CTIF: variants seen among roughly 807,000 people sequenced by gnomAD.
CTIF encodes the protein CBP80/20-dependent translation initiation factor.
CTIF carries 21 observed loss-of-function variants against 66.0 expected under a neutral mutation model. That is an observed-to-expected ratio of 0.32 (90% CI 0.23 to 0.46). CTIF has a LOEUF of 0.46. CTIF is among the 20% of genes least tolerant of loss of function. The probability of loss-of-function intolerance (pLI) is 1.00; values close to 1 mark genes in which losing one functional copy is unlikely to be tolerated. For missense variants in CTIF, 739 were observed against 812.7 expected, an observed-to-expected ratio of 0.91 and a Z score of 1.10; for synonymous variants, 345 against 326.4, an observed-to-expected ratio of 1.06 and a Z score of -0.62.
intron 9 of CTIF, among the ~76,000 whole-genome samples, chr18:48,811,965 TACTATTTTGTTTTTTGAG>T (rs1054465618): frequency 5.3e-5 from 8 of 152,150 alleles, no homozygotes; most frequent in South Asian, 2.1e-4. Flanking sequence ...AGAATCACCA[TACTATTTTGTTTTTTGAG>T]ATGGAGTCTC....
At chr18:48,843,325 C>T (rs936322614) in intron 10 of CTIF, among the ~76,000 whole-genome samples, 9 of 152,124 alleles carry the variant, frequency 5.9e-5, no homozygotes, top group East Asian at 1.9e-4. Context: ...CAGGGCCCTG[C>T]GCTCCAGCAG....
intron 1 of CTIF, among the ~76,000 whole-genome samples, chr18:48,590,487 G>A (rs1387980532): frequency 1.3e-5 from 2 of 152,252 alleles, no homozygotes; most frequent in African/African-American, 4.8e-5. Flanking sequence ...ACATAGTCCA[G>A]TGCACCCTTT....
chr18:48,619,841 G>T (rs2090462167), intron 2 of CTIF, 96 bp downstream of exon 2: 1 of 1,233,078 alleles, frequency 8.1e-7, no homozygotes, highest in Non-Finnish European at 1.1e-6. Context: ...CCTGACACTA[G>T]ACCGCCAAGG....
At position 48,859,410 on chromosome 18, in the gene CTIF, G is replaced by A. The variant is rs778674002; in HGVS notation, c.1648G>A (p.Ala550Thr). The change falls in exon 12 of 12, where the codon GCA (alanine) becomes ACA (threonine). Residue 550 changes from alanine to threonine, a missense_variant. By Grantham distance (58) the Ala-to-Thr change is moderately conservative (BLOSUM62 0). Coordinates refer to ENST00000256413, the MANE Select transcript of CTIF (RefSeq NM_014772.3). ...GATGATGACAGAGCTCCTGGCCAGCGCACGGGACAAGATGCTGTGCCCCTC... is the reference window on the plus strand; with the variant it reads ...GATGATGACAGAGCTCCTGGCCAGCACACGGGACAAGATGCTGTGCCCCTC... ...PEMMTELLASARDKMLCPSES... is the reference protein window; with the variant it reads ...PEMMTELLASTRDKMLCPSES... The A allele has an allele frequency of 2.4e-5, 38 of 1,614,008 alleles. No homozygotes were observed. The highest frequency in any genetic ancestry group is 4.5e-5 in the East Asian group (2 of 44,890).
intron 1 of CTIF, among the ~76,000 whole-genome samples, chr18:48,586,273 T>C (rs937038852): frequency 2.6e-5 from 4 of 151,386 alleles, no homozygotes; most frequent in African/African-American, 4.9e-5. Context: ...TTCCACACTT[T>C]TACTTTTTTT....
chr18:48,642,120 G>A (rs2090945369), intron 3 of CTIF, among the ~76,000 whole-genome samples: 1 of 152,204 alleles, frequency 6.6e-6, no homozygotes, highest in Non-Finnish European at 1.5e-5. Context: ...TCATAGTGCT[G>A]CTCTCTGTTT....
At chr18:48,781,313 G>A (rs929507038) in intron 9 of CTIF, among the ~76,000 whole-genome samples, 2 of 152,182 alleles carry the variant, frequency 1.3e-5, no homozygotes, top group East Asian at 1.9e-4. Context: ...TGGGGGCGGC[G>A]GCTGGGAGGG....
chr18:48,547,817 C>A (rs549849929), intron 1 of CTIF, among the ~76,000 whole-genome samples: 1 of 152,224 alleles, frequency 6.6e-6, no homozygotes, highest in Non-Finnish European at 1.5e-5. Context: ...GCTGAGCCGG[C>A]TGCATAGGCG....
rs201605930 is a variant in CTIF at position 48,663,763 on chromosome 18, A to G, written c.264A>G (p.Lys88=). The stretch of plus-strand genomic sequence containing the variant: ...CCCATCTCTTCCAGAATGGCAGCAA[A>G]GACAACTCTCTGGACATGCTGGGCA... ...GRAPPQQNGS[K]DNSLDMLGTD... Residue 88 remains lysine (K), a synonymous_variant, in exon 4 of 12, where the codon AAA becomes AAG. Coordinates refer to ENST00000256413, the MANE Select transcript of CTIF (RefSeq NM_014772.3). 1.6e-5 allele frequency: 26 copies of G among 1,613,894 alleles called. No individual in the cohort carries two copies. The highest frequency in any genetic ancestry group is 8.5e-7 in the Non-Finnish European group (1 of 1,179,952).
intron 10 of CTIF, among the ~76,000 whole-genome samples, chr18:48,851,741 C>T (rs548713189): frequency 3.3e-5 from 5 of 152,290 alleles, no homozygotes; most frequent in Admixed American, 6.5e-5. Context: ...CAGCTGCCCT[C>T]CCTTCCTTCG....
chr18:48,614,260 C>T (rs114083047), intron 1 of CTIF, among the ~76,000 whole-genome samples: 2,403 of 152,244 alleles, frequency 0.016, 70 homozygotes, highest in African/African-American at 0.055. Context: ...CTGGAGGAGA[C>T]CATCCCTTGC....
At chr18:48,849,865 T>A (rs1382236344) in intron 10 of CTIF, among the ~76,000 whole-genome samples, 2 of 152,190 alleles carry the variant, frequency 1.3e-5, no homozygotes, top group African/African-American at 4.8e-5. Context: ...ATTACAGGCG[T>A]GAGCCACCGT....
chr18:48,589,121 G>C (rs2143938749), intron 1 of CTIF, among the ~76,000 whole-genome samples: 1 of 152,314 alleles, frequency 6.6e-6, no homozygotes, highest in South Asian at 2.1e-4. Flanking sequence ...GGACTCTCAT[G>C]CCTGCGTGTA....
intron 1 of CTIF, among the ~76,000 whole-genome samples, chr18:48,603,459 G>A (rs531039131): frequency 9.4e-4 from 118 of 126,188 alleles, no homozygotes; most frequent in African/African-American, 3.4e-3. Flanking sequence ...GGATAGGTGA[G>A]TGAATGGATG....
intron 6 of CTIF, among the ~76,000 whole-genome samples, chr18:48,675,290 T>C (rs1419903402): frequency 2.6e-5 from 4 of 152,178 alleles, no homozygotes; most frequent in Non-Finnish European, 5.9e-5. Context: ...AGGCTACCAC[T>C]CTGTCAGTGT....
chr18:48,698,664 G>A lies in CTIF; in HGVS notation c.508-12955G>A, dbSNP rs373522297. 2.0e-5 allele frequency among the ~76,000 whole-genome samples: 3 copies of A among 152,306 alleles called. No individual in the cohort carries two copies. The South Asian group carries it at 6.2e-4, about 32-fold the overall frequency. Reference sequence around the variant, plus strand: ...ACCCTATTTGTTTTCTCTCAGCCTTGAATCTTTCCCGATCTTTTCAACCTG... The same window carrying A: ...ACCCTATTTGTTTTCTCTCAGCCTTAAATCTTTCCCGATCTTTTCAACCTG... On this transcript the variant is annotated intron_variant, in intron 6 of 11. Coordinates refer to ENST00000256413, the MANE Select transcript of CTIF (RefSeq NM_014772.3).
At chr18:48,633,269 C>T (rs2090754773) in intron 2 of CTIF, among the ~76,000 whole-genome samples, 1 of 152,172 alleles carries the variant, frequency 6.6e-6, no homozygotes, top group African/African-American at 2.4e-5. Flanking sequence ...ATGTCTCCCA[C>T]CTGTCAGCCA....
intron 1 of CTIF, among the ~76,000 whole-genome samples, chr18:48,586,600 A>G (rs147172813): frequency 6.6e-6 from 1 of 152,266 alleles, no homozygotes; most frequent in African/African-American, 2.4e-5. Flanking sequence ...AATTGTACCA[A>G]AGTTTCCTTT....
At chr18:48,668,838 G>A (rs778892111) in intron 5 of CTIF, among the ~76,000 whole-genome samples, 1 of 152,108 alleles carries the variant, frequency 6.6e-6, no homozygotes, top group Non-Finnish European at 1.5e-5. Context: ...GGCACTTGCT[G>A]CTCTACTGTG....
Sources: gnomAD v4.1 joint callset for allele counts (sites outside exome capture counted in the v4.1 genomes callset) on GRCh38, gnomAD v4.1.1 for gene constraint, MANE v1.5 for transcripts, NCBI Gene and HGNC (gene_info 2026-07-23, HGNC 2026-07-21) for gene names.